The following SLC25A21 variants were observed in gnomAD, a reference collection of about 807,000 sequenced individuals.
SLC25A21 encodes mitochondrial 2-oxodicarboxylate carrier.
A neutral mutation model predicts 43.8 loss-of-function variants in SLC25A21; 47 were observed. The ratio of observed to expected loss-of-function variants is 1.07; its 90% CI spans 0.85 to 1.37. The LOEUF is 1.37. Among genes scored for constraint, SLC25A21 ranks in the 40% most tolerant of loss-of-function variants. The pLI, the probability that SLC25A21 is intolerant of heterozygous loss-of-function variation, is 0.00. For synonymous variants in SLC25A21, 131 were observed against 121.3 expected (o/e 1.08, Z -0.52); for missense variants, 352 against 350.2 (o/e 1.00, Z -0.04).
At chr14:36,815,922 T>C (rs187823847) in intron 2 of SLC25A21, among the ~76,000 whole-genome samples, 1 of 152,350 alleles carries the variant, frequency 6.6e-6, no homozygotes, top group African/African-American at 2.4e-5. Context: ...ACACTTCTGA[T>C]ATTATTTAGT....
At chr14:36,723,248 G>A (rs1487669765) in intron 6 of SLC25A21, among the ~76,000 whole-genome samples, 1 of 152,112 alleles carries the variant, frequency 6.6e-6, no homozygotes, top group Non-Finnish European at 1.5e-5. Context: ...TCCCATTACT[G>A]TCTGTTGAGT....
intron 1 of SLC25A21, among the ~76,000 whole-genome samples, chr14:36,875,816 G>A (rs1890505084): frequency 6.6e-6 from 1 of 152,120 alleles, no homozygotes; most frequent in African/African-American, 2.4e-5. Context: ...CAACTGAGCA[G>A]AGAAGACTAC....
intron 7 of SLC25A21, among the ~76,000 whole-genome samples, chr14:36,691,214 T>A (rs1882781628): frequency 1.3e-5 from 2 of 152,302 alleles, no homozygotes; most frequent in South Asian, 4.1e-4. Context: ...TGCACTTGCC[T>A]CTCAGGGCTG....
chr14:37,046,592 T>A (rs1021578483), intron 1 of SLC25A21, among the ~76,000 whole-genome samples: 3 of 152,228 alleles, frequency 2.0e-5, no homozygotes, highest in African/African-American at 7.2e-5. Context: ...TTACTGATAC[T>A]TTGCAATTAA....
chr14:36,786,465 C>T (rs1352911855), intron 3 of SLC25A21, among the ~76,000 whole-genome samples: 1 of 152,172 alleles, frequency 6.6e-6, no homozygotes, highest in Non-Finnish European at 1.5e-5. Context: ...TTAGAACAGG[C>T]CAATTAGAAC....
intron 1 of SLC25A21, among the ~76,000 whole-genome samples, chr14:37,144,796 GT>G: frequency 7.2e-6 from 1 of 138,078 alleles, no homozygotes; most frequent in African/African-American, 2.7e-5. Flanking sequence ...TTTTTTTTTT[GT>G]TTTTTTAGTA....
At chr14:36,841,642 C>T (rs1889386366) in intron 2 of SLC25A21, among the ~76,000 whole-genome samples, 1 of 152,196 alleles carries the variant, frequency 6.6e-6, no homozygotes, top group African/African-American at 2.4e-5. Flanking sequence ...TGACTTACTC[C>T]TGTGTGCTAT....
intron 3 of SLC25A21, among the ~76,000 whole-genome samples, chr14:36,742,182 C>CT (rs1885295718): frequency 6.6e-6 from 1 of 152,118 alleles, no homozygotes; most frequent in Admixed American, 6.6e-5. Context: ...CTTCCTCTTT[C>CT]TTTTTTCACA....
chr14:37,114,749 T>C (rs1484200820), intron 1 of SLC25A21, among the ~76,000 whole-genome samples: 3 of 152,116 alleles, frequency 2.0e-5, no homozygotes, highest in African/African-American at 4.8e-5. Flanking sequence ...TTTGTCAGAC[T>C]CTTCTGCAAA....
intron 1 of SLC25A21, among the ~76,000 whole-genome samples, chr14:36,997,532 A>G (rs1407093525): frequency 6.6e-6 from 1 of 152,204 alleles, no homozygotes; most frequent in African/African-American, 2.4e-5. Flanking sequence ...GTAATATTTA[A>G]AAGTATATTA....
intron 2 of SLC25A21, among the ~76,000 whole-genome samples, chr14:36,838,587 G>C (rs940182859): frequency 3.3e-5 from 5 of 152,194 alleles, no homozygotes; most frequent in African/African-American, 1.2e-4. Flanking sequence ...ATGCCAGAAA[G>C]ATGGCCTGGG....
chr14:36,889,268 A>C (rs1594670886), intron 1 of SLC25A21, among the ~76,000 whole-genome samples: 1 of 152,222 alleles, frequency 6.6e-6, no homozygotes, highest in Non-Finnish European at 1.5e-5. Context: ...CTAGGTGTGG[A>C]TTAATTAGGA....
intron 1 of SLC25A21, among the ~76,000 whole-genome samples, chr14:36,924,506 T>TC (rs1892074590): frequency 6.6e-6 from 1 of 150,448 alleles, no homozygotes. Flanking sequence ...GTGGGGAACA[T>TC]CACACACTGG....
intron 6 of SLC25A21, among the ~76,000 whole-genome samples, chr14:36,721,790 A>T (rs1292185640): frequency 6.6e-6 from 1 of 152,242 alleles, no homozygotes; most frequent in Non-Finnish European, 1.5e-5. Flanking sequence ...GCAGGGCTTG[A>T]TCTTGGCAGA....
chr14:36,870,319 G>A (rs977232355), intron 2 of SLC25A21, among the ~76,000 whole-genome samples: 8 of 152,198 alleles, frequency 5.3e-5, no homozygotes, highest in African/African-American at 1.7e-4. Flanking sequence ...CAGTTCAGAA[G>A]TCCAGAAGTC....
intron 3 of SLC25A21, among the ~76,000 whole-genome samples, chr14:36,809,875 T>C (rs1460725557): frequency 6.6e-6 from 1 of 152,132 alleles, no homozygotes; most frequent in Non-Finnish European, 1.5e-5. Context: ...TGCACCTGAG[T>C]AGGAAAGACA....
At position 37,172,358 on chromosome 14, in the gene SLC25A21, A is replaced by C. The variant is rs1264819530; in HGVS notation, c.-8T>G. On this transcript the variant is annotated 5_prime_UTR_variant, in exon 1 of 10. Transcript: ENST00000331299. Reference sequence around the variant, plus strand: ...TTCAGGCTTGGCGGACATCTTCGCCAGGCGGGAGGACAAGGGAGTGGGCTG... The same window carrying C: ...TTCAGGCTTGGCGGACATCTTCGCCCGGCGGGAGGACAAGGGAGTGGGCTG... The C allele has an allele frequency of 6.3e-7, 1 of 1,593,558 alleles. No individual in the cohort carries two copies. The highest frequency in any genetic ancestry group is 8.5e-7 in the Non-Finnish European group (1 of 1,170,040).
In SLC25A21 at chr14:36,680,161, C is replaced by CTT. The variant is rs1882154332; in HGVS notation, c.*495_*496dup. The stretch of plus-strand genomic sequence containing the variant: ...TTTTAGTGCACTTTAAAAAATTTTT[C>CTT]TTGTGCTCTTTAAATATTATTTATG... On this transcript the variant is annotated 3_prime_UTR_variant, in exon 10 of 10. Coordinates refer to ENST00000331299, the MANE Select transcript of SLC25A21 (RefSeq NM_030631.4). 2.4e-6 allele frequency: 2 copies of CTT among 839,812 alleles called. No individual in the cohort carries two copies. Among genetic ancestry groups the CTT allele is most frequent in the South Asian group, 1.1e-4 (2 of 18,064 alleles). The allele number at this position is 839,812 out of a possible 1,614,324, so 52.0% of individuals were successfully genotyped here.
chr14:36,979,469 C>T (rs1341668239), intron 1 of SLC25A21, among the ~76,000 whole-genome samples: 3 of 151,974 alleles, frequency 2.0e-5, no homozygotes, highest in Non-Finnish European at 4.4e-5. Flanking sequence ...AATTCTCCTG[C>T]GTCAGCCTCC....
Sources: allele counts gnomAD v4.1 joint callset (sites outside exome capture counted in the v4.1 genomes callset), GRCh38; gene constraint gnomAD v4.1.1; transcripts MANE v1.5; gene names NCBI Gene and HGNC (gene_info 2026-07-23, HGNC 2026-07-21).